The following TTN variants were observed in gnomAD, a reference collection of about 807,000 sequenced individuals.
TTN encodes connectin.
A neutral mutation model predicts 3,223.0 loss-of-function variants in TTN; 1,525 were observed. The observed-to-expected ratio is 0.47, with a 90% CI of 0.45 to 0.49. TTN has a LOEUF of 0.49. Among genes scored for constraint, TTN ranks in the 20% least tolerant of loss-of-function variants. The probability of loss-of-function intolerance (pLI) is 0.00; values close to 1 mark genes in which losing one functional copy is unlikely to be tolerated. For missense variants in TTN, 40,786 were observed against 43,424.0 expected (o/e 0.94, Z 5.40); for synonymous variants, 14,094 against 15,161.0 (o/e 0.93, Z 5.17).
At chr2:178,711,519 A>C (rs990773521) in intron 96 of TTN, among the ~76,000 whole-genome samples, 170 bp from the exon 97 acceptor site, 3 of 152,214 alleles carry the variant, frequency 2.0e-5, no homozygotes, top group Admixed American at 6.5e-5. Context: ...TTCTGGAGCA[A>C]AAGTATCACT....
chr2:178,635,834 G>C (rs1163875600), intron 226 of TTN, 119 bp from the exon 227 acceptor site: 7 of 1,506,032 alleles, frequency 4.6e-6, no homozygotes, highest in Admixed American at 2.2e-5. Flanking sequence ...TTAATCCACT[G>C]TAGGATATAT....
In TTN at chr2:178,693,903, A is replaced by C. The variant is rs375927041; in HGVS notation, c.31513+19T>G. 1 of 1,608,346 alleles carries C rather than the reference A, an allele frequency of 6.2e-7. No homozygotes were observed. Among genetic ancestry groups the C allele is most frequent in the Non-Finnish European group, 8.5e-7 (1 of 1,175,706 alleles). On this transcript the variant is annotated intron_variant, in intron 118 of 362. Transcript: ENST00000589042. ...AAAACCCTTCCATTTGAGCCCCCACATTCCAGTTTGCCTTATACCTGTGAC... is the reference window on the plus strand; with the variant it reads ...AAAACCCTTCCATTTGAGCCCCCACCTTCCAGTTTGCCTTATACCTGTGAC...
In TTN at chr2:178,611,697, T is replaced by G; in HGVS notation, c.50552-20A>C. 1.2e-6 allele frequency: 2 copies of G among 1,612,312 alleles called. No homozygotes were observed. Among genetic ancestry groups the G allele is most frequent in the Non-Finnish European group, 1.7e-6 (2 of 1,179,144 alleles). On this transcript the variant is annotated intron_variant, in intron 268 of 362. Coordinates refer to ENST00000589042, the MANE Select transcript of TTN (RefSeq NM_001267550.2). ...GAGGACCTGAGAAAAGAGTGAAATA[T>G]TCATATCCACAGTCTCATCAAGTTC...
In TTN at chr2:178,735,457, A is replaced by G. The variant is rs2081279819; in HGVS notation, c.14935+54T>C. On this transcript the variant is annotated intron_variant, in intron 50 of 362. Transcript: ENST00000589042. ...TGAATTGTTTGCCAACAGTTTTTCT[A>G]CTGAGGATTCCTTGCAGAGAAGGGA... 1.1e-5 allele frequency: 16 copies of G among 1,463,014 alleles called. 1 individual carries two copies. In the South Asian group the frequency reaches 1.8e-4, roughly 16 times the overall value. The allele number at this position is 1,463,014 out of a possible 1,614,324, so 90.6% of individuals were successfully genotyped here.
At position 178,701,186 on chromosome 2, in the gene TTN, C is replaced by A; in HGVS notation, c.30616G>T (p.Ala10206Ser). ...GGTAGCAAAAGGGGGATAGGAGGAG[C>A]AACCACAGGAGGGATTTCTGAAGAA... is the stretch of plus-strand genomic sequence containing the variant. Reference protein sequence around the residue: ...VPPEEIPPVVAPPIPLLLPTP... With the variant: ...VPPEEIPPVVSPPIPLLLPTP... The change falls in exon 111 of 363, where the codon GCT becomes TCT. Residue 10206 changes from alanine (A) to serine (S), a missense_variant. Physicochemically the swap from Ala to Ser is moderately conservative, Grantham distance 99. Coordinates refer to ENST00000589042, the MANE Select transcript of TTN (RefSeq NM_001267550.2). The A allele has an allele frequency of 1.2e-6, 2 of 1,612,988 alleles. No individual in the cohort carries two copies. The highest frequency in any genetic ancestry group is 1.7e-6 in the Non-Finnish European group (2 of 1,179,528).
rs1675265455 is a variant in TTN at position 178,741,188 on chromosome 2, A to G, written c.12045T>C (p.Asn4015=). 1.9e-6 allele frequency: 3 copies of G among 1,613,284 alleles called. No homozygotes were observed. Among genetic ancestry groups the G allele is most frequent in the African/African-American group, 2.7e-5 (2 of 74,918 alleles). ...DSGLYICKAE[N]MLGESTCAAE... is the part of the protein sequence containing the mutation. ...CTGCACAGGTGGACTCACCCAACAT[A>G]TTCTCTGCTTTACAGATATAGAGGC... is the stretch of plus-strand genomic sequence containing the variant. The change falls in exon 48 of 363, where the codon AAT becomes AAC. Residue 4015 remains asparagine, a synonymous_variant. Coordinates refer to ENST00000589042, the MANE Select transcript of TTN (RefSeq NM_001267550.2).
Position 178,633,191 on chromosome 2 carries a change from G to C in TTN, c.43082C>G (p.Ser14361Cys). Residue 14361 changes from serine (S) to cysteine (C), a missense_variant, in exon 233 of 363, where the codon TCC becomes TGC. Transcript: ENST00000589042. ...AATTAGCTAATCTTGACTTACAGGGGAAGCTGTCAAAGGCTGTCCTTTCAG... is the reference window on the plus strand; with the variant it reads ...AATTAGCTAATCTTGACTTACAGGGCAAGCTGTCAAAGGCTGTCCTTTCAG... ...WKLKGQPLTA[S>C]PDCEIIEDGK... is the part of the protein sequence containing the mutation. 1 of 1,610,516 alleles carries C rather than the reference G, an allele frequency of 6.2e-7. No individual in the cohort carries two copies.
Position 178,554,914 on chromosome 2 carries a change from T to C in TTN, c.88545A>G (p.Leu29515=), listed in dbSNP as rs1553547309. 2 of 1,613,856 alleles carry C rather than the reference T, an allele frequency of 1.2e-6. No homozygotes were observed. The highest frequency in any genetic ancestry group is 3.3e-5 in the Admixed American group (2 of 60,020). ...CTGAGGCTGAGCCCATGGCATTCCT[T>C]AGTTTTAATTCATAGCATCCACTAT... is the stretch of plus-strand genomic sequence containing the variant. The part of the protein sequence containing the change: ...RLNSGCYELK[L]RNAMGSASAT... The change falls in exon 331 of 363, where the codon CTA becomes CTG. Residue 29515 remains leucine (L), a synonymous_variant. Coordinates refer to ENST00000589042, the MANE Select transcript of TTN (RefSeq NM_001267550.2).
In TTN at chr2:178,800,537, G is replaced by A; in HGVS notation, c.441C>T (p.Ser147=). 1 of 1,614,108 alleles carries A rather than the reference G, an allele frequency of 6.2e-7. No individual in the cohort carries two copies. The highest frequency in any genetic ancestry group is 1.1e-5 in the South Asian group (1 of 91,082). The change falls in exon 4 of 363, where the codon TCC becomes TCT. Residue 147 remains serine, a synonymous_variant. Coordinates refer to ENST00000589042, the MANE Select transcript of TTN (RefSeq NM_001267550.2). ...CTTCTTGTGAAATTTGGAAATCAAGGGAGCTCTGGATTTCGGCTCCATCCC... is the reference window on the plus strand; with the variant it reads ...CTTCTTGTGAAATTTGGAAATCAAGAGAGCTCTGGATTTCGGCTCCATCCC... The part of the protein sequence containing the change: ...FYRDGAEIQS[S]LDFQISQEGD...
At chr2:178,672,376 A>G in intron 154 of TTN, 31 bp downstream of exon 154, 4 of 1,601,684 alleles carry the variant, frequency 2.5e-6, no homozygotes, top group South Asian at 2.3e-5. Context: ...ATGCAACAAT[A>G]CACGAAAATC....
In TTN at chr2:178,739,315, C is replaced by T. The variant is rs1156910102; in HGVS notation, c.13918G>A (p.Glu4640Lys). 6.2e-7 allele frequency: 1 copy of T among 1,613,634 alleles called. No homozygotes were observed. The highest frequency in any genetic ancestry group is 1.3e-5 in the African/African-American group (1 of 75,028). The change falls in exon 48 of 363, where the codon GAG becomes AAG. Residue 4640 changes from glutamate (E) to lysine (K), a missense_variant. By Grantham distance (56) the Glu-to-Lys change is moderately conservative. Coordinates refer to ENST00000589042, the MANE Select transcript of TTN (RefSeq NM_001267550.2). ...TNAKEVNWYF[E>K]NKLVPSDEKF... Reference sequence around the variant, plus strand: ...TCATCTGAAGGCACCAGTTTATTCTCAAAATACCAATTCACCTCTTTAGCA... The same window carrying T: ...TCATCTGAAGGCACCAGTTTATTCTTAAAATACCAATTCACCTCTTTAGCA...
intron 361 of TTN, 134 bp from the exon 362 acceptor site, chr2:178,527,882 T>C (rs1458934088): frequency 3.8e-6 from 3 of 782,240 alleles, no homozygotes; most frequent in Non-Finnish European, 5.9e-6. Context: ...TGTTGAAGCA[T>C]AAGCAAATAC....
rs2092275311 is a variant in TTN at position 178,776,810 on chromosome 2, C to T, written c.5054G>A (p.Gly1685Asp). 1 of 1,614,124 alleles carries T rather than the reference C, an allele frequency of 6.2e-7. No homozygotes were observed. Among genetic ancestry groups the T allele is most frequent in the Middle Eastern group, 1.7e-4 (1 of 6,060 alleles). The change falls in exon 28 of 363, where the codon GGC becomes GAC. Residue 1685 changes from glycine to aspartate, a missense_variant. Gly to Asp is a moderately conservative substitution (Grantham distance 94). Coordinates refer to ENST00000589042, the MANE Select transcript of TTN (RefSeq NM_001267550.2). The part of the protein sequence containing the change: ...PELEPLHLRY[G>D]QEQWEEGDLY... The stretch of plus-strand genomic sequence containing the variant: ...ATCACCTTCTTCCCATTGCTCTTGG[C>T]CATATCGCAAATGGAGGGGCTCCAG...
chr2:178,553,462 A>G, intron 334 of TTN, 40 bp downstream of exon 334: 6 of 1,578,852 alleles, frequency 3.8e-6, no homozygotes, highest in Non-Finnish European at 5.2e-6. Flanking sequence ...TCCTGGAAGT[A>G]TGCTTATTAA....
chr2:178,738,388 A>ATGT, intron 48 of TTN, 28 bp from the exon 49 acceptor site: 1 of 1,586,244 alleles, frequency 6.3e-7, no homozygotes. Context: ...GTCCATTAAC[A>ATGT]TGCCTCCTTA....
Position 178,705,160 on chromosome 2 carries a change from A to T in TTN, c.29604+14T>A. ...TGACTTTTTTAGCATGATGCTATAT[A>T]TGAAGGAGCATACCAGTCTATGTGT... On this transcript the variant is annotated intron_variant, in intron 103 of 362. Transcript: ENST00000589042. 6.2e-7 allele frequency: 1 copy of T among 1,608,810 alleles called. No individual in the cohort carries two copies. The highest frequency in any genetic ancestry group is 1.1e-5 in the South Asian group (1 of 89,556).
rs1328808708 is a variant in TTN at position 178,729,876 on chromosome 2, T to C, written c.18377A>G (p.Glu6126Gly). 9 of 1,613,436 alleles carry C rather than the reference T, an allele frequency of 5.6e-6. No individual in the cohort carries two copies. Among genetic ancestry groups the C allele is most frequent in the Non-Finnish European group, 7.6e-6 (9 of 1,179,720 alleles). The change falls in exon 63 of 363, where the codon GAA becomes GGA. Residue 6126 changes from glutamate (E) to glycine (G), a missense_variant. Glu to Gly is a moderately conservative substitution (Grantham distance 98). Transcript: ENST00000589042. ...TTTAGGAGTGCCTGTTATTTGGCATTCAAATGTTGTTGACTGTCCATTCCT... is the reference window on the plus strand; with the variant it reads ...TTTAGGAGTGCCTGTTATTTGGCATCCAAATGTTGTTGACTGTCCATTCCT... ...VLRNGQSTTFECQITGTPKIR... is the reference protein window; with the variant it reads ...VLRNGQSTTFGCQITGTPKIR...
At position 178,756,247 on chromosome 2, in the gene TTN, C is replaced by T. The variant is rs374617032; in HGVS notation, c.11229G>A (p.Thr3743=). Residue 3743 remains threonine, a synonymous_variant, in exon 46 of 363, where the codon ACG becomes ACA. Coordinates refer to ENST00000589042, the MANE Select transcript of TTN (RefSeq NM_001267550.2). ...IVHNDCGERT[T]SAVLSVEGAP... is the part of the protein sequence containing the mutation. ...CACCTTCTACACTTAGTACTGCTGA[C>T]GTTGTCCTCTCTCCACAGTCATTGT... 7.4e-6 allele frequency: 12 copies of T among 1,612,054 alleles called. No homozygotes were observed. Among genetic ancestry groups the T allele is most frequent in the African/African-American group, 1.3e-5 (1 of 74,914 alleles).
In TTN at chr2:178,530,113, T is replaced by C. The variant is rs1688408023; in HGVS notation, c.106378A>G (p.Ile35460Val). Residue 35460 changes from isoleucine to valine, a missense_variant, in exon 359 of 363, where the codon ATT becomes GTT. Ile to Val is a conservative substitution (Grantham distance 29, BLOSUM62 3). Transcript: ENST00000589042. ...TAIWTKDGKA[I>V]TQGGKYKLSE... The stretch of plus-strand genomic sequence containing the variant: ...AGTTTATATTTACCTCCTTGTGTAA[T>C]GGCCTGTAGAATGCAAATGATTTGT... 1 of 1,582,778 alleles carries C rather than the reference T, an allele frequency of 6.3e-7. No individual in the cohort carries two copies. Among genetic ancestry groups the C allele is most frequent in the Non-Finnish European group, 8.5e-7 (1 of 1,171,318 alleles).
Sources: gnomAD v4.1 joint callset for allele counts (sites outside exome capture counted in the v4.1 genomes callset) on GRCh38, gnomAD v4.1.1 for gene constraint, MANE v1.5 for transcripts, NCBI Gene and HGNC (gene_info 2026-07-23, HGNC 2026-07-21) for gene names.